WDFY2: variants seen among roughly 807,000 people sequenced by gnomAD.
WDFY2 encodes WD repeat and FYVE domain-containing protein 2.
WDFY2 carries 36 observed loss-of-function variants against 56.4 expected under a neutral mutation model. The observed-to-expected ratio is 0.64, with a 90% CI of 0.49 to 0.84. The LOEUF (loss-of-function observed/expected upper bound fraction) is 0.84, where lower values mean the gene tolerates loss of function less well. Ranked by LOEUF, WDFY2 falls within the 40% of genes least tolerant of loss-of-function variation. WDFY2 has a pLI of 0.00. For synonymous variants in WDFY2, 176 were observed against 183.7 expected (o/e 0.96, Z 0.34); for missense variants, 444 against 512.2 (o/e 0.87, Z 1.29).
At chr13:51,669,542 T>C (rs1339788021) in intron 2 of WDFY2, among the ~76,000 whole-genome samples, 9 of 152,216 alleles carry the variant, frequency 5.9e-5, no homozygotes, top group Non-Finnish European at 1.3e-4. Flanking sequence ...TATATTTCTT[T>C]TGACTGTCAT....
intron 4 of WDFY2, among the ~76,000 whole-genome samples, chr13:51,713,562 G>A (rs1333043386): frequency 1.3e-5 from 2 of 152,198 alleles, no homozygotes; most frequent in Non-Finnish European, 2.9e-5. Flanking sequence ...CATATGCTAA[G>A]TGAAATAAGC....
At chr13:51,738,030 C>T (rs1008870824) in intron 6 of WDFY2, among the ~76,000 whole-genome samples, 2 of 148,728 alleles carry the variant, frequency 1.3e-5, no homozygotes, top group Non-Finnish European at 3.0e-5. Context: ...TCTCCTGAAA[C>T]AAATGTATGA....
At chr13:51,660,363 A>ATTT (rs757283890) in intron 1 of WDFY2, among the ~76,000 whole-genome samples, 3 of 138,806 alleles carry the variant, frequency 2.2e-5, no homozygotes, top group Admixed American at 7.2e-5. Flanking sequence ...CTCTCAGCTA[A>ATTT]TTTTTTTTTT....
chr13:51,609,147 A>G (rs942124975), intron 1 of WDFY2, among the ~76,000 whole-genome samples: 1 of 152,208 alleles, frequency 6.6e-6, no homozygotes, highest in Non-Finnish European at 1.5e-5. Flanking sequence ...AAAAGCACAT[A>G]TGACATAAAT....
At chr13:51,596,616 T>C (rs1954155534) in intron 1 of WDFY2, among the ~76,000 whole-genome samples, 1 of 152,196 alleles carries the variant, frequency 6.6e-6, no homozygotes, top group South Asian at 2.1e-4. Context: ...TGTTCCAAAG[T>C]GAAGTTAAGG....
intron 3 of WDFY2, among the ~76,000 whole-genome samples, chr13:51,682,820 C>G (rs1463055576): frequency 6.6e-6 from 1 of 152,102 alleles, no homozygotes; most frequent in East Asian, 1.9e-4. Flanking sequence ...ACCAGGAAGC[C>G]TTGGTTAAAG....
At chr13:51,594,846 C>G (rs1232815948) in intron 1 of WDFY2, among the ~76,000 whole-genome samples, 2 of 152,204 alleles carry the variant, frequency 1.3e-5, no homozygotes, top group Non-Finnish European at 2.9e-5. Context: ...ATAGTTGGTG[C>G]TCAGTGAAAG....
At chr13:51,614,544 A>T (rs1220433877) in intron 1 of WDFY2, among the ~76,000 whole-genome samples, 1 of 152,134 alleles carries the variant, frequency 6.6e-6, no homozygotes, top group East Asian at 1.9e-4. Flanking sequence ...TGTCCCTTTG[A>T]AGCCTCACGA....
At chr13:51,603,943 G>T (rs1954335631) in intron 1 of WDFY2, among the ~76,000 whole-genome samples, 1 of 152,200 alleles carries the variant, frequency 6.6e-6, no homozygotes, top group Non-Finnish European at 1.5e-5. Context: ...AGTGGGGATT[G>T]TGGCAACTGG....
chr13:51,637,062 C>T (rs1383657163), intron 1 of WDFY2, among the ~76,000 whole-genome samples: 1 of 152,198 alleles, frequency 6.6e-6, no homozygotes, highest in Admixed American at 6.5e-5. Context: ...TATTCTTATG[C>T]ACATTAAAAT....
At chr13:51,646,601 G>T (rs1227084329) in intron 1 of WDFY2, among the ~76,000 whole-genome samples, 1 of 152,174 alleles carries the variant, frequency 6.6e-6, no homozygotes, top group Non-Finnish European at 1.5e-5. Context: ...TACCTAGTAG[G>T]TGTTTGATAA....
At chr13:51,691,658 T>C (rs1207183014) in intron 3 of WDFY2, among the ~76,000 whole-genome samples, 1 of 151,706 alleles carries the variant, frequency 6.6e-6, no homozygotes, top group African/African-American at 2.4e-5. Flanking sequence ...TCTTTTGGCT[T>C]AGGATTGACT....
chr13:51,694,337 A>G (rs926353645), intron 3 of WDFY2, among the ~76,000 whole-genome samples: 23 of 152,152 alleles, frequency 1.5e-4, no homozygotes, highest in Non-Finnish European at 2.2e-4. Flanking sequence ...GTTCCTTTCC[A>G]TGTTTAGTGC....
chr13:51,754,646 C>A (rs1396416945), intron 8 of WDFY2, among the ~76,000 whole-genome samples: 1 of 152,190 alleles, frequency 6.6e-6, no homozygotes, highest in African/African-American at 2.4e-5. Context: ...GAATTGCATG[C>A]TCATATCTTT....
intron 1 of WDFY2, among the ~76,000 whole-genome samples, chr13:51,644,996 A>G (rs896377461): frequency 1.3e-5 from 2 of 152,220 alleles, no homozygotes; most frequent in African/African-American, 2.4e-5. Context: ...TGTGGTTGGA[A>G]TGCATTTGCT....
At chr13:51,591,401 ACTTCT>A (rs1384398804) in intron 1 of WDFY2, 2 of 152,030 alleles carry the variant, frequency 1.3e-5, no homozygotes, top group Non-Finnish European at 2.9e-5. Flanking sequence ...CTACATTCCT[ACTTCT>A]AGATGAGTCC....
chr13:51,669,885 A>G (rs555001044), intron 2 of WDFY2, among the ~76,000 whole-genome samples: 1 of 152,218 alleles, frequency 6.6e-6, no homozygotes, highest in Non-Finnish European at 1.5e-5. Flanking sequence ...ATAGATCTTC[A>G]CAATTTGTAT....
chr13:51,713,124 A>G (rs930389061), intron 4 of WDFY2, among the ~76,000 whole-genome samples: 3 of 152,210 alleles, frequency 2.0e-5, no homozygotes, highest in African/African-American at 4.8e-5. Flanking sequence ...AGCCCATTCT[A>G]TTAGATCAAC....
intron 1 of WDFY2, among the ~76,000 whole-genome samples, chr13:51,614,433 G>GA (rs533833092): frequency 3.9e-3 from 596 of 152,290 alleles, no homozygotes; most frequent in Non-Finnish European, 6.6e-3. Context: ...TTTATACCAA[G>GA]AAGTCCAGAG....
Sources: allele counts gnomAD v4.1 joint callset (sites outside exome capture counted in the v4.1 genomes callset), GRCh38; gene constraint gnomAD v4.1.1; transcripts MANE v1.5; gene names NCBI Gene and HGNC (gene_info 2026-07-23, HGNC 2026-07-21).